TRPM5: variants seen among roughly 807,000 people sequenced by gnomAD.
TRPM5 encodes transient receptor potential cation channel subfamily M member 5.
TRPM5 carries 121 observed loss-of-function variants against 124.9 expected under a neutral mutation model. The ratio of observed to expected loss-of-function variants is 0.97; its 90% CI spans 0.84 to 1.13. The LOEUF (loss-of-function observed/expected upper bound fraction) is 1.13, where lower values mean the gene tolerates loss of function less well. Among genes scored for constraint, TRPM5 ranks in the 50% most tolerant of loss-of-function variants. The pLI is 0.00. For synonymous variants in TRPM5, 781 were observed against 700.5 expected (o/e 1.11, Z -1.81); for missense variants, 1,643 against 1,589.1 (o/e 1.03, Z -0.58).
the TRPM5 span, among the ~76,000 whole-genome samples, chr11:2,440,054 T>C: frequency 6.6e-6 from 1 of 152,288 alleles, no homozygotes; most frequent in African/African-American, 2.4e-5. This position sits in a 1 kb window ranked among gnomAD's most constrained non-coding sequence, Gnocchi z 5.2. Flanking sequence ...TGGACACCAT[T>C]ATCCTAAGCA....
intron 18 of TRPM5, among the ~76,000 whole-genome samples, chr11:2,410,837 G>T (rs956815359): frequency 6.6e-6 from 1 of 152,178 alleles, no homozygotes; most frequent in Non-Finnish European, 1.5e-5. Flanking sequence ...TGGCGAAGGG[G>T]CCTTGCCAGC....
intron 18 of TRPM5, chr11:2,410,782 G>A (rs955393958): frequency 1.9e-5 from 8 of 421,686 alleles, no homozygotes; most frequent in African/African-American, 1.4e-4. Context: ...CACACATTGG[G>A]GTGGGTCCCC....
chr11:2,405,171 C>T, intron 23 of TRPM5, 128 bp from the exon 29 acceptor site: 1 of 734,646 alleles, frequency 1.4e-6, no homozygotes, highest in Non-Finnish European at 2.2e-6. Context: ...CACAGGCCAG[C>T]CTGGGGAAGA....
At chr11:2,404,544 C>T (rs1248515862) in exon 24 of TRPM5, 2 of 187,032 alleles carry the variant, frequency 1.1e-5, no homozygotes, top group Non-Finnish European at 2.2e-5. Flanking sequence ...TCTTGTCAGG[C>T]AACACAAGTC....
chr11:2,411,658 T>C, exon 17 of TRPM5: 1 of 1,612,724 alleles, frequency 6.2e-7, no homozygotes, highest in East Asian at 2.2e-5. Flanking sequence ...ACGATGATCT[T>C]GGGGCCCAGC....
At chr11:2,406,881 A>T in intron 20 of TRPM5, 88 bp from the exon 26 acceptor site, 4 of 1,519,668 alleles carry the variant, frequency 2.6e-6, no homozygotes, top group Non-Finnish European at 1.8e-6. Context: ...GAGGTGGGCC[A>T]GGCAGAAGGA....
At chr11:2,411,988 A>C (rs1850462656) in intron 16 of TRPM5, 147 bp downstream of exon 21, 1 of 905,282 alleles carries the variant, frequency 1.1e-6, no homozygotes, top group Non-Finnish European at 1.7e-6. Flanking sequence ...TGCTGCCTCA[A>C]CTTCCCTGGC....
chr11:2,409,396 C>T lies in TRPM5; in HGVS notation c.2783-1484G>A, dbSNP rs938461869. On this transcript the variant is annotated intron_variant, in intron 18 of 23. Coordinates refer to ENST00000155858, the Ensembl canonical transcript of TRPM5. ...GCTCTGAGGAATGAGACCCCCACAC[C>T]CTCCCCGACTCTGTGATTTGGGAAG... 1.5e-4 allele frequency among the ~76,000 whole-genome samples: 23 copies of T among 152,178 alleles called. 1 individual carries two copies. The highest frequency in any genetic ancestry group is 4.4e-5 in the Non-Finnish European group (3 of 68,036).
chr11:2,433,330 C>T, the TRPM5 span, among the ~76,000 whole-genome samples: 14 of 152,252 alleles, frequency 9.2e-5, no homozygotes, highest in African/African-American at 2.9e-4. Flanking sequence ...GGGTGCTTGG[C>T]GATCAGACAG....
downstream of TRPM5, among the ~76,000 whole-genome samples, chr11:2,404,212 A>C (rs1017433176): frequency 6.6e-6 from 1 of 152,196 alleles, no homozygotes; most frequent in Non-Finnish European, 1.5e-5. Context: ...GTGTGGACAG[A>C]GGAGGCTGGG....
At chr11:2,431,928 C>T in the TRPM5 span, among the ~76,000 whole-genome samples, 9 of 152,224 alleles carry the variant, frequency 5.9e-5, no homozygotes, top group Non-Finnish European at 8.8e-5. Context: ...GCCCAGAACA[C>T]GCAGGTACAG....
rs1330639331 is a variant in TRPM5, at chr11:2,417,072, C to A, written c.1009+655G>T. Among the ~76,000 whole-genome samples the A allele has an allele frequency of 1.3e-5, 2 of 152,118 alleles. 1 individual carries two copies. The highest frequency in any genetic ancestry group is 2.9e-5 in the Non-Finnish European group (2 of 68,024). On this transcript the variant is annotated intron_variant, in intron 7 of 23. Coordinates refer to ENST00000155858, the Ensembl canonical transcript of TRPM5. ...GGCTGGGGGAAATGGGGAGTGAGTG[C>A]CAAGGGGTATGGGCTCTTTCTGGGG...
chr11:2,430,767 G>A, the TRPM5 span, among the ~76,000 whole-genome samples: 1 of 149,692 alleles, frequency 6.7e-6, no homozygotes, highest in African/African-American at 2.5e-5. Flanking sequence ...GGTTTTGGTG[G>A]TGGTGATGGT....
intron 23 of TRPM5, among the ~76,000 whole-genome samples, chr11:2,405,318 C>CT (rs1202015948): frequency 6.6e-6 from 1 of 152,230 alleles, no homozygotes; most frequent in East Asian, 1.9e-4. Flanking sequence ...CCTCAAGAGT[C>CT]TGAGTGAAGC....
rs1039312666 is a variant in TRPM5, at chr11:2,405,056, A to C, written c.3392-13T>G. On this transcript the variant is annotated splice_polypyrimidine_tract_variant and intron_variant, in intron 23 of 23. Transcript: ENST00000155858. ...CAGTGCTGAGAGCCTGCTGGGAAGG[A>C]AGGCCCCCCTGAGCGGTGGGAACCA... The C allele has an allele frequency of 1.2e-6, 2 of 1,609,134 alleles. No homozygotes were observed. The highest frequency in any genetic ancestry group is 1.7e-6 in the Non-Finnish European group (2 of 1,177,518).
chr11:2,432,640 C>A, the TRPM5 span, among the ~76,000 whole-genome samples: 2 of 152,254 alleles, frequency 1.3e-5, no homozygotes, highest in African/African-American at 4.8e-5. Context: ...CCAGGCACAT[C>A]CTTGGGTGCC....
exon 18 of TRPM5, chr11:2,411,405 A>G: frequency 6.2e-7 from 1 of 1,611,950 alleles, no homozygotes; most frequent in Non-Finnish European, 8.5e-7. Context: ...GGGCCGGTAG[A>G]GCACCCGGCG....
the TRPM5 span, among the ~76,000 whole-genome samples, chr11:2,428,161 T>C: frequency 6.6e-6 from 1 of 152,000 alleles, no homozygotes; most frequent in Admixed American, 6.6e-5. The surrounding 1 kb of genome is among the most constrained non-coding windows in gnomAD (Gnocchi z 4.0). Context: ...TACCTTGGAG[T>C]GTCAAACAGG....
chr11:2,422,780 G>C, intron 1 of TRPM5, 140 bp downstream of exon 6: 1 of 740,930 alleles, frequency 1.3e-6, no homozygotes, highest in Admixed American at 2.1e-5. Flanking sequence ...CTGCCTGTCT[G>C]GGGGCTCTGA....
Sources: gnomAD v4.1 joint callset for allele counts (sites outside exome capture counted in the v4.1 genomes callset) on GRCh38, gnomAD v4.1.1 for gene constraint, Gnocchi (gnomAD v3.1) non-coding constraint, MANE v1.5 for transcripts, NCBI Gene and HGNC (gene_info 2026-07-23, HGNC 2026-07-21) for gene names.